Variants in BNIP5 observed in about 807,000 individuals in gnomAD.
BNIP5 encodes protein BNIP5.
A neutral mutation model predicts 67.3 loss-of-function variants in BNIP5; 61 were observed. The ratio of observed to expected loss-of-function variants is 0.91; its 90% CI spans 0.74 to 1.12. The LOEUF is 1.12. BNIP5 is among the 50% of genes most tolerant of loss of function. The pLI, the probability that BNIP5 is intolerant of heterozygous loss-of-function variation, is 0.00. For synonymous variants in BNIP5, 317 were observed against 319.0 expected, an observed-to-expected ratio of 0.99 and a Z score of 0.07; for missense variants, 826 against 816.3, an observed-to-expected ratio of 1.01 and a Z score of -0.14.
At chr6:36,320,301 G>T (rs1771606244) in intron 10 of BNIP5, among the ~76,000 whole-genome samples, 1 of 152,220 alleles carries the variant, frequency 6.6e-6, no homozygotes, top group Non-Finnish European at 1.5e-5. Flanking sequence ...CCCAGGGGGT[G>T]GCAACTGGAG....
intron 1 of BNIP5, among the ~76,000 whole-genome samples, chr6:36,331,222 G>A (rs1771898822): frequency 6.6e-6 from 1 of 152,166 alleles, no homozygotes; most frequent in South Asian, 2.1e-4. Context: ...GGGAATGGGG[G>A]TCATTATTCT....
chr6:36,329,372 G>T (rs187169468), intron 2 of BNIP5, among the ~76,000 whole-genome samples: 1 of 152,176 alleles, frequency 6.6e-6, no homozygotes, highest in Non-Finnish European at 1.5e-5. Flanking sequence ...AGACAGTAAC[G>T]TTATATTTAT....
rs1465386526 is a variant in BNIP5 at position 36,325,231 on chromosome 6, TCAGAA to T, written c.1168+47_1168+51del. 57 of 1,592,000 alleles carry T rather than the reference TCAGAA, an allele frequency of 3.6e-5. No individual in the cohort carries two copies. The South Asian group carries it at 3.8e-4, about 10-fold the overall frequency. On this transcript the variant is annotated intron_variant, in intron 6 of 11. Coordinates refer to ENST00000437635, the MANE Select transcript of BNIP5 (RefSeq NM_001010903.5). ...CAGTGTCTCTTTGCAAGTGGGGGAG[TCAGAA>T]CAGAAGTTTTGCAAGGGGTGTCTGA...
At position 36,330,351 on chromosome 6, in the gene BNIP5, C is replaced by A; in HGVS notation, c.340G>T (p.Glu114Ter). ...CTCCTGCTGGCCTTTTCTCTGGGCTCCTCAGGGCCCGTCCTCACGAAGAAG... is the reference window on the plus strand; with the variant it reads ...CTCCTGCTGGCCTTTTCTCTGGGCTACTCAGGGCCCGTCCTCACGAAGAAG... ...LNFFVRTGPE[E>*]PREKASRRPR... Residue 114 changes from glutamate (E) to a stop codon, truncating the protein, a stop_gained, in exon 2 of 12, where the codon GAG becomes TAG. Transcript: ENST00000437635. LOFTEE classifies it high-confidence loss of function. 1 of 1,614,182 alleles carries A rather than the reference C, an allele frequency of 6.2e-7. No individual in the cohort carries two copies. The highest frequency in any genetic ancestry group is 8.5e-7 in the Non-Finnish European group (1 of 1,180,032).
Position 36,330,495 on chromosome 6 carries a change from C to T in BNIP5, c.196G>A (p.Ala66Thr), listed in dbSNP as rs1771872788. 1 of 1,614,026 alleles carries T rather than the reference C, an allele frequency of 6.2e-7. No individual in the cohort carries two copies. Among genetic ancestry groups the T allele is most frequent in the African/African-American group, 1.3e-5 (1 of 74,928 alleles). ...GCAGCGGTGGTGCAGTGAGCCTCTGCAGATGGAGCTGGGCTGTCTGAATGT... is the reference window on the plus strand; with the variant it reads ...GCAGCGGTGGTGCAGTGAGCCTCTGTAGATGGAGCTGGGCTGTCTGAATGT... Reference protein sequence around the residue: ...ARHSDSPAPSAEAHCTTAAAP... With the variant: ...ARHSDSPAPSTEAHCTTAAAP... Residue 66 changes from alanine to threonine, a missense_variant, in exon 2 of 12, where the codon GCA becomes ACA. Transcript: ENST00000437635.
intron 2 of BNIP5, among the ~76,000 whole-genome samples, chr6:36,329,101 A>T (rs1447754811): frequency 6.6e-6 from 1 of 152,150 alleles, no homozygotes; most frequent in Non-Finnish European, 1.5e-5. Context: ...ACATGTGGGG[A>T]ATCAAAAGTT....
chr6:36,329,930 GAGGAAGGGAGGGAGGA>G, intron 2 of BNIP5, 135 bp downstream of exon 2: 2 of 737,114 alleles, frequency 2.7e-6, no homozygotes, highest in South Asian at 2.0e-5. Flanking sequence ...GGAAGGGAGG[GAGGAAGGGAGGGAGGA>G]AGGAAGGAAG....
Position 36,319,535 on chromosome 6 carries a change from G to C in BNIP5, c.1744C>G (p.Leu582Val), listed in dbSNP as rs743852. The change falls in exon 11 of 12, where the codon CTG (leucine) becomes GTG (valine). Residue 582 changes from leucine (L) to valine (V), a missense_variant. By Grantham distance (32) the Leu-to-Val change is conservative (BLOSUM62 1). Coordinates refer to ENST00000437635, the MANE Select transcript of BNIP5 (RefSeq NM_001010903.5). Reference protein sequence around the residue: ...DSSLSKLVATLRSQVAHSSKL... With the variant: ...DSSLSKLVATVRSQVAHSSKL... ...GAGGAGTGAGCCACCTGGCTGCGCAGGGTGGCTACCAGCTTGCTGAGGGAG... is the reference window on the plus strand; with the variant it reads ...GAGGAGTGAGCCACCTGGCTGCGCACGGTGGCTACCAGCTTGCTGAGGGAG... 862,770 of 1,613,778 alleles carry C rather than the reference G, an allele frequency of 0.53. 238,613 individuals carry two copies. The highest frequency in any genetic ancestry group is 0.58 in the Non-Finnish European group (681,950 of 1,179,828).
rs543852131 is a variant in BNIP5, at chr6:36,330,075, G to A, written c.610+6C>T. The A allele has an allele frequency of 1.3e-5, 20 of 1,594,242 alleles. No homozygotes were observed. The East Asian group carries it at 1.8e-4, about 14-fold the overall frequency. Reference sequence around the variant, plus strand: ...GTTGCCATAGGAACAGGCACGGTCCGCTCACCCCTGCGAGCTGGGCCCAGG... The same window carrying A: ...GTTGCCATAGGAACAGGCACGGTCCACTCACCCCTGCGAGCTGGGCCCAGG... On this transcript the variant is annotated splice_donor_region_variant and intron_variant, in intron 2 of 11. Transcript: ENST00000437635.
Position 36,316,976 on chromosome 6 carries a change from A to G in BNIP5, c.*380T>C, listed in dbSNP as rs770354934. Reference sequence around the variant, plus strand: ...AATAAAAATTTAGTTTAAAAACTAGACTCAGTTAACATGAACATCTGAGAA... The same window carrying G: ...AATAAAAATTTAGTTTAAAAACTAGGCTCAGTTAACATGAACATCTGAGAA... On this transcript the variant is annotated 3_prime_UTR_variant, in exon 12 of 12. Transcript: ENST00000437635. The G allele has an allele frequency of 3.9e-4, 167 of 424,582 alleles. No homozygotes were observed. Among genetic ancestry groups the G allele is most frequent in the Non-Finnish European group, 6.2e-4 (149 of 241,826 alleles). 26.3% of individuals were successfully genotyped at this position (424,582 alleles called of 1,614,324 possible).
At chr6:36,336,322 C>G (rs923653290) in intron 1 of BNIP5, among the ~76,000 whole-genome samples, 6 of 152,268 alleles carry the variant, frequency 3.9e-5, no homozygotes, top group Admixed American at 2.0e-4. Flanking sequence ...CTACCACATC[C>G]TGAGGGAAAC....
chr6:36,330,159 T>C lies in BNIP5; in HGVS notation c.532A>G (p.Arg178Gly), dbSNP rs748117632. Residue 178 changes from arginine to glycine, a missense_variant, in exon 2 of 12, where the codon AGA (arginine) becomes GGA (glycine). Coordinates refer to ENST00000437635, the MANE Select transcript of BNIP5 (RefSeq NM_001010903.5). Reference sequence around the variant, plus strand: ...TTGGACAACCCTTCCTCTCGGCCTCTGGCCTCCTGGTCTTGAGCTGCCTTA... The same window carrying C: ...TTGGACAACCCTTCCTCTCGGCCTCCGGCCTCCTGGTCTTGAGCTGCCTTA... ...VTKAAQDQEA[R>G]GREEGLSKAA... 1.2e-6 allele frequency: 2 copies of C among 1,613,734 alleles called. No individual in the cohort carries two copies. Among genetic ancestry groups the C allele is most frequent in the African/African-American group, 1.3e-5 (1 of 74,920 alleles).
intron 3 of BNIP5, among the ~76,000 whole-genome samples, chr6:36,327,853 T>A (rs748969257): frequency 1.3e-5 from 2 of 151,762 alleles, no homozygotes; most frequent in African/African-American, 2.4e-5. Flanking sequence ...TTTTTTTTTT[T>A]ACTCCTAACT....
Position 36,316,349 on chromosome 6 carries a change from G to T in BNIP5, c.*1007C>A. On this transcript the variant is annotated 3_prime_UTR_variant, in exon 12 of 12. Transcript: ENST00000437635. ...AATTTCACACCTGAGTCAAGCTATT[G>T]AAACTGTTGAGCTATACAGAAGGCA... 1 of 397,160 alleles carries T rather than the reference G, an allele frequency of 2.5e-6. No individual in the cohort carries two copies. Among genetic ancestry groups the T allele is most frequent in the Non-Finnish European group, 4.4e-6 (1 of 225,694 alleles). 24.6% of individuals were successfully genotyped at this position (397,160 alleles called of 1,614,324 possible). A position where few individuals can be genotyped will look rare whatever the true frequency, so the allele number is the denominator to read the frequency against.
chr6:36,325,468 T>C (rs1771741492), intron 5 of BNIP5, 54 bp from the exon 6 acceptor site: 1 of 1,558,928 alleles, frequency 6.4e-7, no homozygotes, highest in Non-Finnish European at 8.7e-7. Flanking sequence ...GGCTGTTAAC[T>C]ATGCACAGAA....
intron 4 of BNIP5, 134 bp downstream of exon 4, chr6:36,326,896 G>A: frequency 7.1e-7 from 1 of 1,412,632 alleles, no homozygotes; most frequent in South Asian, 1.2e-5. Context: ...GGAGGGCTGA[G>A]TTCTGAAGCT....
intron 8 of BNIP5, among the ~76,000 whole-genome samples, chr6:36,322,990 C>T (rs1211147647): frequency 6.6e-6 from 1 of 152,214 alleles, no homozygotes; most frequent in African/African-American, 2.4e-5. Context: ...CCAGGTGATT[C>T]TGATGCACAG....
intron 1 of BNIP5, among the ~76,000 whole-genome samples, chr6:36,334,269 C>G (rs1162683336): frequency 1.3e-5 from 2 of 152,188 alleles, no homozygotes; most frequent in Non-Finnish European, 2.9e-5. Context: ...GAACTAAGGC[C>G]AGGAGCCCCC....
In BNIP5 at chr6:36,316,316, A is replaced by T. The variant is rs952760500; in HGVS notation, c.*1040T>A. The T allele has an allele frequency of 4.6e-5, 18 of 395,336 alleles. No individual in the cohort carries two copies. The highest frequency in any genetic ancestry group is 3.3e-4 in the African/African-American group (16 of 48,710). The allele number at this position is 395,336 out of a possible 1,614,324, so 24.5% of individuals were successfully genotyped here. A position where few individuals can be genotyped will look rare whatever the true frequency, so the allele number is the denominator to read the frequency against. ...GTCCTTCCTGCACATAGATATGAAC[A>T]TGTGGCAAATTTCACACCTGAGTCA... On this transcript the variant is annotated 3_prime_UTR_variant, in exon 12 of 12. Coordinates refer to ENST00000437635, the MANE Select transcript of BNIP5 (RefSeq NM_001010903.5).
Sources: gnomAD v4.1 joint callset for allele counts (sites outside exome capture counted in the v4.1 genomes callset) on GRCh38, gnomAD v4.1.1 for gene constraint, MANE v1.5 for transcripts, NCBI Gene and HGNC (gene_info 2026-07-23, HGNC 2026-07-21) for gene names.